Variants in DCDC1 observed in about 807,000 individuals in gnomAD.
DCDC1 encodes doublecortin domain-containing protein 1.
A neutral mutation model predicts 178.3 loss-of-function variants in DCDC1; 200 were observed. The observed-to-expected ratio is 1.12, with a 90% CI of 1.00 to 1.26. The LOEUF is 1.26. Ranked by LOEUF, DCDC1 falls within the 50% of genes most tolerant of loss-of-function variation. The pLI is 0.00. For missense variants in DCDC1, 1,983 were observed against 1,749.2 expected, an observed-to-expected ratio of 1.13 and a Z score of -2.38; for synonymous variants, 690 against 604.8, an observed-to-expected ratio of 1.14 and a Z score of -2.07.
At chr11:31,172,608 AAC>A (rs1212639607) in intron 9 of DCDC1, among the ~76,000 whole-genome samples, 2 of 152,200 alleles carry the variant, frequency 1.3e-5, no homozygotes, top group African/African-American at 2.4e-5. Flanking sequence ...CAATAATATA[AAC>A]AGTCAATTAA....
At chr11:31,299,307 T>C (rs1011870472) in intron 6 of DCDC1, among the ~76,000 whole-genome samples, 2 of 152,230 alleles carry the variant, frequency 1.3e-5, no homozygotes, top group Non-Finnish European at 2.9e-5. Context: ...ATTTGAAGTA[T>C]GTCTTCAATT....
intron 36 of DCDC1, among the ~76,000 whole-genome samples, chr11:30,888,138 GAAA>G (rs1565030273): frequency 2.8e-5 from 4 of 141,180 alleles, no homozygotes; most frequent in Admixed American, 1.4e-4. Flanking sequence ...AAGAAAGAAA[GAAA>G]GAAAGAAAGA....
intron 9 of DCDC1, among the ~76,000 whole-genome samples, chr11:31,161,401 C>G (rs550304552): frequency 3.9e-5 from 6 of 152,156 alleles, no homozygotes; most frequent in Non-Finnish European, 8.8e-5. Flanking sequence ...GGCAAGGGGT[C>G]TTTTCTTTAC....
intron 9 of DCDC1, among the ~76,000 whole-genome samples, chr11:31,156,273 A>T (rs182913935): frequency 5.9e-5 from 9 of 152,342 alleles, no homozygotes; most frequent in African/African-American, 2.2e-4. Context: ...ATTTCACTTA[A>T]TTAGAGTTCA....
At chr11:31,199,562 T>C (rs747433367) in intron 9 of DCDC1, among the ~76,000 whole-genome samples, 23 of 152,118 alleles carry the variant, frequency 1.5e-4, no homozygotes, top group Non-Finnish European at 2.6e-4. Context: ...ACAAGCTTGC[T>C]TCCCTGCTGC....
chr11:31,250,421 C>CAT lies in DCDC1; in HGVS notation c.1055-8807_1055-8806dup. 7.6e-4 allele frequency among the ~76,000 whole-genome samples: 40 copies of CAT among 52,942 alleles called. 4 individuals carry two copies. In the East Asian group the frequency reaches 0.028, roughly 36 times the overall value. The allele number at this position is 52,942 out of a possible 152,430, so 34.7% of individuals were successfully genotyped here. On this transcript the variant is annotated intron_variant, in intron 8 of 38. Transcript: ENST00000684477. Reference sequence around the variant, plus strand: ...ACACACACACACACACACACATATACATATATATGTATATATATATATATC... The same window carrying CAT: ...ACACACACACACACACACACATATACATATATATATGTATATATATATATATC...
At chr11:31,073,959 T>C (rs1472484492) in intron 18 of DCDC1, among the ~76,000 whole-genome samples, 1 of 151,998 alleles carries the variant, frequency 6.6e-6, no homozygotes, top group Non-Finnish European at 1.5e-5. Flanking sequence ...TCTAGAACAG[T>C]AGAAAAATAA....
intron 7 of DCDC1, among the ~76,000 whole-genome samples, chr11:31,289,909 T>C (rs1341146628): frequency 1.3e-5 from 2 of 151,998 alleles, no homozygotes; most frequent in African/African-American, 4.8e-5. Context: ...TGTTTTACTG[T>C]CTCTCATACA....
chr11:30,949,417 T>C (rs1948268427), intron 21 of DCDC1, among the ~76,000 whole-genome samples: 1 of 152,100 alleles, frequency 6.6e-6, no homozygotes, highest in Admixed American at 6.5e-5. Flanking sequence ...GGAGTGTAAA[T>C]TAGTTAAACC....
chr11:31,104,450 T>C (rs1295933824), intron 13 of DCDC1, among the ~76,000 whole-genome samples: 8 of 152,052 alleles, frequency 5.3e-5, no homozygotes, highest in Non-Finnish European at 1.5e-5. Context: ...ATGTGGGACA[T>C]TCTACAAGAA....
chr11:31,262,967 G>T (rs1944892625), intron 8 of DCDC1: 6 of 1,427,436 alleles, frequency 4.2e-6, no homozygotes, highest in Non-Finnish European at 5.8e-6. Context: ...GGCAAGGCAT[G>T]CATTAAAATG....
At chr11:31,183,350 A>G (rs1969073441) in intron 9 of DCDC1, among the ~76,000 whole-genome samples, 1 of 152,212 alleles carries the variant, frequency 6.6e-6, no homozygotes, top group Non-Finnish European at 1.5e-5. Context: ...ATTGGAAGTA[A>G]AACACTCCTC....
chr11:31,036,569 CT>C (rs1954043621), intron 20 of DCDC1, among the ~76,000 whole-genome samples: 2 of 152,122 alleles, frequency 1.3e-5, no homozygotes, highest in Admixed American at 6.5e-5. Flanking sequence ...AACATACAGG[CT>C]TTATGAATAT....
chr11:31,041,276 T>C (rs288465), intron 20 of DCDC1, among the ~76,000 whole-genome samples: 81,827 of 151,968 alleles, frequency 0.54, 23,297 homozygotes, highest in African/African-American at 0.74. Context: ...CAATTTTATA[T>C]AGCACTAAGT....
intron 11 of DCDC1, among the ~76,000 whole-genome samples, chr11:31,123,750 A>C (rs1431751890): frequency 6.6e-6 from 1 of 152,022 alleles, no homozygotes; most frequent in African/African-American, 2.4e-5. Flanking sequence ...AAAAATCATA[A>C]AAAGAGAATG....
chr11:31,180,923 A>C (rs1336088772), intron 9 of DCDC1, among the ~76,000 whole-genome samples: 2 of 152,074 alleles, frequency 1.3e-5, no homozygotes, highest in African/African-American at 4.8e-5. Flanking sequence ...CTAGCTCAGC[A>C]GATCCCACCG....
chr11:31,334,526 C>G (rs1021898798), intron 2 of DCDC1, among the ~76,000 whole-genome samples: 1 of 152,098 alleles, frequency 6.6e-6, no homozygotes, highest in Non-Finnish European at 1.5e-5. Flanking sequence ...TTTTATCTAC[C>G]TTTGGTCTTT....
At chr11:31,350,274 T>C (rs147705901) in intron 1 of DCDC1, among the ~76,000 whole-genome samples, 59 of 152,248 alleles carry the variant, frequency 3.9e-4, no homozygotes, top group African/African-American at 1.1e-3. Flanking sequence ...ACAATTTTAA[T>C]TATTCAATTT....
At chr11:31,301,645 T>C (rs1276122230) in intron 6 of DCDC1, among the ~76,000 whole-genome samples, 3 of 152,200 alleles carry the variant, frequency 2.0e-5, no homozygotes, top group Non-Finnish European at 4.4e-5. Flanking sequence ...TGGACGCAGA[T>C]ATGAGAAAAA....
Sources: allele counts gnomAD v4.1 joint callset (sites outside exome capture counted in the v4.1 genomes callset), GRCh38; gene constraint gnomAD v4.1.1; transcripts MANE v1.5; gene names NCBI Gene and HGNC (gene_info 2026-07-23, HGNC 2026-07-21).